Variants in CCSER1 observed in about 807,000 individuals in gnomAD.
CCSER1 encodes coiled-coil serine rich protein 1.
A neutral mutation model predicts 82.0 loss-of-function variants in CCSER1; 41 were observed. That is an observed-to-expected ratio of 0.50 (90% CI 0.39 to 0.65). The LOEUF (loss-of-function observed/expected upper bound fraction) is 0.65, where lower values mean the gene tolerates loss of function less well. Among genes scored for constraint, CCSER1 ranks in the 30% least tolerant of loss-of-function variants. CCSER1 has a pLI of 0.00. For synonymous variants in CCSER1, 414 were observed against 383.9 expected, an observed-to-expected ratio of 1.08 and a Z score of -0.92; for missense variants, 1,119 against 1,064.2, an observed-to-expected ratio of 1.05 and a Z score of -0.72.
At chr4:91,572,323 G>T (rs544871395) in intron 10 of CCSER1, among the ~76,000 whole-genome samples, 70 of 152,036 alleles carry the variant, frequency 4.6e-4, no homozygotes, top group African/African-American at 1.4e-3. Context: ...GGAGGTACAG[G>T]CCTGTTGCTG....
intron 9 of CCSER1, among the ~76,000 whole-genome samples, chr4:91,000,381 A>G (rs948213430): frequency 3.3e-5 from 5 of 151,804 alleles, no homozygotes; most frequent in Admixed American, 2.0e-4. Context: ...TGCTCTTTTT[A>G]CTTAGGATTG....
chr4:90,443,445 G>A (rs1760189494), intron 4 of CCSER1, among the ~76,000 whole-genome samples: 1 of 152,114 alleles, frequency 6.6e-6, no homozygotes, highest in African/African-American at 2.4e-5. Context: ...ACAAAGGGAA[G>A]ACTCACATCC....
At chr4:90,741,587 C>T (rs1746563039) in intron 7 of CCSER1, among the ~76,000 whole-genome samples, 2 of 152,200 alleles carry the variant, frequency 1.3e-5, no homozygotes, top group Admixed American at 6.5e-5. Context: ...ATTTAAGCAA[C>T]TGATCTCATG....
chr4:91,343,857 G>A (rs1200554008), intron 10 of CCSER1, among the ~76,000 whole-genome samples: 1 of 152,078 alleles, frequency 6.6e-6, no homozygotes. Flanking sequence ...AGTGGTACTG[G>A]TTTTCCACAT....
chr4:90,439,743 G>A (rs1296531798), intron 4 of CCSER1, among the ~76,000 whole-genome samples: 3 of 152,100 alleles, frequency 2.0e-5, no homozygotes, highest in African/African-American at 7.2e-5. Context: ...TCCTTTCTTT[G>A]CTTGCTGGAC....
chr4:91,383,751 A>G (rs1225549056), intron 10 of CCSER1, among the ~76,000 whole-genome samples: 1 of 152,188 alleles, frequency 6.6e-6, no homozygotes. Flanking sequence ...GAGGGACAAG[A>G]TTAAAATATA....
chr4:90,319,234 C>T (rs185456667), intron 3 of CCSER1, among the ~76,000 whole-genome samples: 113 of 152,194 alleles, frequency 7.4e-4, no homozygotes, highest in African/African-American at 2.7e-3. Flanking sequence ...AATATTAAAA[C>T]AAATCAGTCT....
intron 1 of CCSER1, among the ~76,000 whole-genome samples, chr4:90,238,010 T>C (rs1423506673): frequency 1.3e-5 from 2 of 152,168 alleles, no homozygotes; most frequent in Non-Finnish European, 2.9e-5. Flanking sequence ...GTGAAAATGA[T>C]TGTATGTTTA....
chr4:91,310,909 T>G (rs1357052749), intron 10 of CCSER1, among the ~76,000 whole-genome samples: 2 of 151,902 alleles, frequency 1.3e-5, no homozygotes, highest in Non-Finnish European at 2.9e-5. Context: ...GTGTGGTCCA[T>G]GACAATTCTT....
intron 10 of CCSER1, among the ~76,000 whole-genome samples, chr4:91,157,905 T>A (rs1315659132): frequency 6.6e-6 from 1 of 152,016 alleles, no homozygotes; most frequent in African/African-American, 2.4e-5. Flanking sequence ...AGTTGTTAAA[T>A]CATTTCTTCA....
At chr4:91,551,232 A>T (rs1762142784) in intron 10 of CCSER1, among the ~76,000 whole-genome samples, 1 of 152,098 alleles carries the variant, frequency 6.6e-6, no homozygotes, top group African/African-American at 2.4e-5. Flanking sequence ...GGCAATACTT[A>T]TGTTATTGTG....
intron 9 of CCSER1, among the ~76,000 whole-genome samples, chr4:91,004,155 G>A (rs1186517338): frequency 3.9e-5 from 6 of 152,114 alleles, no homozygotes; most frequent in Admixed American, 3.9e-4. Flanking sequence ...TATTCCTGCC[G>A]AGGTTCTAGA....
intron 10 of CCSER1, among the ~76,000 whole-genome samples, chr4:91,412,031 A>C (rs548933019): frequency 1.1e-4 from 17 of 152,194 alleles, no homozygotes; most frequent in African/African-American, 4.1e-4. Flanking sequence ...CACAGCAACA[A>C]TAATTTTGCA....
chr4:90,714,029 G>A (rs929035393), intron 6 of CCSER1, among the ~76,000 whole-genome samples: 1 of 151,850 alleles, frequency 6.6e-6, no homozygotes. Flanking sequence ...TTCAGTCCCA[G>A]TATGAGAACC....
rs116296723 is a variant in CCSER1, at chr4:90,570,470, A to T, written c.1725-57555A>T. Among the ~76,000 whole-genome samples the T allele has an allele frequency of 4.8e-3, 732 of 152,174 alleles. 2 individuals carry two copies. The highest frequency in any genetic ancestry group is 0.01 in the Middle Eastern group (3 of 294). On this transcript the variant is annotated intron_variant, in intron 5 of 10. Transcript: ENST00000509176. ...GATGCTCTGCCCTTGAACCCACTGCATCACCAGACCACCTGCAGACATACC... is the reference window on the plus strand; with the variant it reads ...GATGCTCTGCCCTTGAACCCACTGCTTCACCAGACCACCTGCAGACATACC...
chr4:90,610,869 A>C (rs1003166412), intron 5 of CCSER1, among the ~76,000 whole-genome samples: 1 of 151,626 alleles, frequency 6.6e-6, no homozygotes, highest in African/African-American at 2.4e-5. Context: ...CCATCAGTTG[A>C]TATTCTTTTT....
intron 10 of CCSER1, among the ~76,000 whole-genome samples, chr4:91,464,731 A>G (rs1300541422): frequency 1.3e-5 from 2 of 152,196 alleles, no homozygotes; most frequent in African/African-American, 4.8e-5. Flanking sequence ...CAGACTTTAA[A>G]CCAACAAAGA....
In CCSER1 at chr4:90,461,053, ATTTTTTTTTTTTT is replaced by A. The variant is rs397880822; in HGVS notation, c.1604-7163_1604-7151del. 2.8e-4 allele frequency among the ~76,000 whole-genome samples: 14 copies of A among 49,744 alleles called. 1 individual carries two copies. Among genetic ancestry groups the A allele is most frequent in the African/African-American group, 1.4e-3 (12 of 8,616 alleles). The allele number at this position is 49,744 out of a possible 152,430, so 32.6% of individuals were successfully genotyped here. A position where few individuals can be genotyped will look rare whatever the true frequency, so the allele number is the denominator to read the frequency against. ...CCTGTACTTAGGTGTTGCCCAGGCT[ATTTTTTTTTTTTT>A]TTTTTTTTTTTTTTTTTGAGACGGA... On this transcript the variant is annotated intron_variant, in intron 4 of 10. Transcript: ENST00000509176.
intron 1 of CCSER1, among the ~76,000 whole-genome samples, chr4:90,160,265 C>A (rs1192749400): frequency 2.6e-5 from 4 of 152,180 alleles, no homozygotes; most frequent in Admixed American, 6.5e-5. Flanking sequence ...GACAGTCTGT[C>A]TGGAGGTCAG....
Sources: allele counts gnomAD v4.1 joint callset (sites outside exome capture counted in the v4.1 genomes callset), GRCh38; gene constraint gnomAD v4.1.1; transcripts MANE v1.5; gene names NCBI Gene and HGNC (gene_info 2026-07-23, HGNC 2026-07-21).